The following DEK variants were observed in gnomAD, a reference collection of about 807,000 sequenced individuals.
The protein encoded by DEK is DEK proto-oncogene.
Under a neutral mutation model 46.8 loss-of-function variants are expected in DEK, and 28 were observed. The ratio of observed to expected loss-of-function variants is 0.60; its 90% CI spans 0.44 to 0.82. The LOEUF (loss-of-function observed/expected upper bound fraction) is 0.82. DEK is among the 40% of genes least tolerant of loss of function. The probability of loss-of-function intolerance (pLI) is 0.00; values close to 1 mark genes in which losing one functional copy is unlikely to be tolerated. For synonymous variants in DEK, 160 were observed against 144.5 expected, an observed-to-expected ratio of 1.11 and a Z score of -0.77; for missense variants, 416 against 430.6, an observed-to-expected ratio of 0.97 and a Z score of 0.30.
chr6:18,249,559 T>A, intron 7 of DEK, 92 bp downstream of exon 7: 1 of 1,407,582 alleles, frequency 7.1e-7, no homozygotes, highest in Non-Finnish European at 9.3e-7. Context: ...AAACAACCAA[T>A]AAGGAAGTGT....
chr6:18,245,074 C>T (rs528264320), intron 7 of DEK, among the ~76,000 whole-genome samples: 37 of 152,334 alleles, frequency 2.4e-4, no homozygotes, highest in African/African-American at 8.4e-4. Context: ...GATCTCAGAG[C>T]TTCTCTTGCA....
intron 9 of DEK, among the ~76,000 whole-genome samples, chr6:18,226,783 G>A (rs1790146777): frequency 2.0e-5 from 3 of 152,176 alleles, no homozygotes; most frequent in South Asian, 4.1e-4. Flanking sequence ...AAAAGAAAGA[G>A]AGATCAGATG....
chr6:18,253,696 T>C (rs572737953), intron 6 of DEK, among the ~76,000 whole-genome samples: 4 of 152,142 alleles, frequency 2.6e-5, no homozygotes, highest in Non-Finnish European at 5.9e-5. Context: ...AAATATTCTT[T>C]TTATGTGAGG....
At chr6:18,226,719 G>A (rs939408616) in intron 9 of DEK, among the ~76,000 whole-genome samples, 10 of 152,188 alleles carry the variant, frequency 6.6e-5, no homozygotes, top group African/African-American at 1.7e-4. Context: ...GGTTGAGGTT[G>A]CAGTGAGCTG....
intron 9 of DEK, among the ~76,000 whole-genome samples, chr6:18,227,520 A>G (rs552747767): frequency 6.6e-6 from 1 of 152,140 alleles, no homozygotes; most frequent in East Asian, 1.9e-4. Context: ...AACACCCAAG[A>G]ATGACCAATA....
chr6:18,242,808 G>T (rs1001129802), intron 7 of DEK, among the ~76,000 whole-genome samples: 7 of 151,890 alleles, frequency 4.6e-5, no homozygotes, highest in Non-Finnish European at 1.0e-4. Flanking sequence ...CTTTACTCAA[G>T]GAAAGAAAAA....
At position 18,256,405 on chromosome 6, in the gene DEK, T is replaced by A. The variant is rs1041927927; in HGVS notation, c.408A>T (p.Glu136Asp). 1.9e-5 allele frequency: 31 copies of A among 1,613,546 alleles called. No individual in the cohort carries two copies. Among genetic ancestry groups the A allele is most frequent in the Middle Eastern group, 1.6e-4 (1 of 6,080 alleles). The change falls in exon 5 of 11, where the codon GAA becomes GAT. Residue 136 changes from glutamate to aspartate, a missense_variant. By Grantham distance (45) the Glu-to-Asp change is conservative. Transcript: ENST00000652689. ...NVGQFSGFPFEKGSVQYKKKE... is the reference protein window; with the variant it reads ...NVGQFSGFPFDKGSVQYKKKE... ...TCTTTTTATATTGGACACTTCCTTT[T>A]TCAAATGGAAAGCCACTGAACTGAC...
At chr6:18,259,430 A>AAAAAAAAATAAAAT (rs1554162685) in intron 2 of DEK, among the ~76,000 whole-genome samples, 1 of 96,742 alleles carries the variant, frequency 1.0e-5, no homozygotes, top group Admixed American at 9.8e-5. Context: ...AAAAAAAAAA[A>AAAAAAAAATAAAAT]AAATCTAGAA....
chr6:18,239,561 T>C (rs769310228), intron 7 of DEK, among the ~76,000 whole-genome samples: 1 of 152,012 alleles, frequency 6.6e-6, no homozygotes, highest in Non-Finnish European at 1.5e-5. Context: ...CTCAACAATA[T>C]ACCACTGGCT....
At chr6:18,235,803 T>G (rs1283024341) in intron 9 of DEK, among the ~76,000 whole-genome samples, 1 of 152,212 alleles carries the variant, frequency 6.6e-6, no homozygotes, top group African/African-American at 2.4e-5. Context: ...CCTGTAACAT[T>G]TAGCCCAGTG....
Position 18,237,391 on chromosome 6 carries a change from A to G in DEK, c.888T>C (p.Ser296=). The change falls in exon 8 of 11, where the codon AGT becomes AGC. Residue 296 remains serine (S), a synonymous_variant. Transcript: ENST00000652689. Reference sequence around the variant, plus strand: ...TTATTTCTAACATACCTTTTTTGGAACTGTTTTGATTCTTCTTGGTGGTGC... The same window carrying G: ...TTATTTCTAACATACCTTTTTTGGAGCTGTTTTGATTCTTCTTGGTGGTGC... ...DSSTTKKNQN[S]SKKESESEDS... 6.3e-7 allele frequency: 1 copy of G among 1,588,200 alleles called. No individual in the cohort carries two copies. The highest frequency in any genetic ancestry group is 1.9e-5 in the Admixed American group (1 of 52,220).
intron 9 of DEK, 94 bp from the exon 10 acceptor site, chr6:18,226,336 A>G: frequency 9.4e-7 from 1 of 1,063,510 alleles, no homozygotes; most frequent in Non-Finnish European, 1.3e-6. Context: ...TGCTACGTGC[A>G]AATAGCCACA....
chr6:18,253,427 T>C (rs544014650), intron 6 of DEK, among the ~76,000 whole-genome samples: 1 of 152,366 alleles, frequency 6.6e-6, no homozygotes, highest in Non-Finnish European at 1.5e-5. Flanking sequence ...GATGAGATGA[T>C]ATTTATATTA....
intron 7 of DEK, among the ~76,000 whole-genome samples, chr6:18,247,630 GACA>G (rs1327429197): frequency 6.6e-6 from 1 of 151,726 alleles, no homozygotes; most frequent in Non-Finnish European, 1.5e-5. Context: ...AGAACTATGG[GACA>G]ACAATTTAGA....
intron 2 of DEK, among the ~76,000 whole-genome samples, chr6:18,260,237 T>C (rs553757744): frequency 2.6e-5 from 4 of 152,330 alleles, no homozygotes; most frequent in African/African-American, 4.8e-5. Context: ...TTAACTGATA[T>C]GTAAATAGTT....
chr6:18,261,971 A>G (rs951111142), intron 2 of DEK, among the ~76,000 whole-genome samples: 5 of 152,134 alleles, frequency 3.3e-5, no homozygotes, highest in African/African-American at 1.2e-4. Flanking sequence ...GTGATTTGCA[A>G]TGCTGGAGGT....
At chr6:18,241,374 A>AT (rs1790887606) in intron 7 of DEK, among the ~76,000 whole-genome samples, 1 of 152,182 alleles carries the variant, frequency 6.6e-6, no homozygotes, top group Non-Finnish European at 1.5e-5. Context: ...TCAAATCTTC[A>AT]TTACTTTCAT....
In DEK at chr6:18,263,942, G is replaced by A. The variant is rs2151097791; in HGVS notation, c.46C>T (p.Gln16Ter). 6.2e-7 allele frequency: 1 copy of A among 1,613,404 alleles called. No individual in the cohort carries two copies. The highest frequency in any genetic ancestry group is 1.1e-5 in the South Asian group (1 of 91,004). The change falls in exon 2 of 11, where the codon CAG (glutamine) becomes TAG (stop). Residue 16 changes from glutamine to a stop codon, truncating the protein, a stop_gained. Transcript: ENST00000652689. LOFTEE classifies it high-confidence loss of function. ...TCGGGTTCTTTCTCGGACGCGGGCT[G>A]GGTGGGGGTTCCCTCCCCCTCCGCA... is the stretch of plus-strand genomic sequence containing the variant. ...PAAEGEGTPT[Q>*]PASEKEPEMP...
At chr6:18,230,732 T>A (rs1325563807) in intron 9 of DEK, among the ~76,000 whole-genome samples, 1 of 152,046 alleles carries the variant, frequency 6.6e-6, no homozygotes, top group African/African-American at 2.4e-5. Context: ...ATAAAGCAAG[T>A]CCTTAGAGAC....
Sources: allele counts gnomAD v4.1 joint callset (sites outside exome capture counted in the v4.1 genomes callset), GRCh38; gene constraint gnomAD v4.1.1; transcripts MANE v1.5; gene names NCBI Gene and HGNC (gene_info 2026-07-23, HGNC 2026-07-21).